Variants in MARCHF1 observed in about 807,000 individuals in gnomAD.
MARCHF1 encodes membrane associated ring-CH-type finger 1.
MARCHF1 carries 40 observed loss-of-function variants against 54.2 expected under a neutral mutation model. That is an observed-to-expected ratio of 0.74 (90% CI 0.57 to 0.96). The LOEUF is 0.96. Among genes scored for constraint, MARCHF1 ranks in the 40% least tolerant of loss-of-function variants. The pLI is 0.00. For missense variants in MARCHF1, 586 were observed against 656.5 expected (o/e 0.89, Z 1.17); for synonymous variants, 236 against 236.3 (o/e 1.00, Z 0.01).
At chr4:163,977,042 A>C (rs569122185) in intron 3 of MARCHF1, among the ~76,000 whole-genome samples, 1 of 152,248 alleles carries the variant, frequency 6.6e-6, no homozygotes, top group South Asian at 2.1e-4. Context: ...ATTTCATAGA[A>C]AAGTTGTGAG....
rs183025915 is a variant in MARCHF1 at position 163,792,616 on chromosome 4, T to C, written c.111+61405A>G. ...TGGTATCATCTTCTGAAGCACATGG[T>C]ATGCAATTAAAGCATTTGAATAACT... On this transcript the variant is annotated intron_variant, in intron 4 of 9. Coordinates refer to ENST00000514618, the MANE Select transcript of MARCHF1 (RefSeq NM_001394959.1). Among the ~76,000 whole-genome samples the C allele has an allele frequency of 1.4e-3, 213 of 152,326 alleles. 2 individuals carry two copies. The highest frequency in any genetic ancestry group is 4.7e-3 in the African/African-American group (195 of 41,568).
chr4:164,296,999 T>C (rs1579698525), intron 1 of MARCHF1, among the ~76,000 whole-genome samples: 1 of 152,170 alleles, frequency 6.6e-6, no homozygotes. Context: ...TGTGTGACAA[T>C]GGTCAAGTTG....
chr4:163,535,501 C>G (rs1217877245), intron 9 of MARCHF1, among the ~76,000 whole-genome samples: 1 of 152,014 alleles, frequency 6.6e-6, no homozygotes, highest in East Asian at 1.9e-4. Flanking sequence ...AGTTAACTTG[C>G]TATTTTTATT....
At chr4:164,197,745 C>T in intron 1 of MARCHF1, 2 of 1,610,710 alleles carry the variant, frequency 1.2e-6, no homozygotes, top group Non-Finnish European at 1.7e-6. Context: ...GGCTCTCGTG[C>T]CAGCCGAATT....
intron 3 of MARCHF1, among the ~76,000 whole-genome samples, chr4:163,962,320 CT>C (rs2110814201): frequency 1.3e-5 from 2 of 151,922 alleles, no homozygotes; most frequent in Non-Finnish European, 2.9e-5. Flanking sequence ...TACCCTAGAC[CT>C]TGTGCTAGGT....
At chr4:164,033,624 A>G (rs1579477067) in intron 2 of MARCHF1, among the ~76,000 whole-genome samples, 1 of 152,232 alleles carries the variant, frequency 6.6e-6, no homozygotes, top group Non-Finnish European at 1.5e-5. Flanking sequence ...GTATATGAAC[A>G]GGCACTTCTC....
At chr4:164,274,237 G>A (rs535228016) in intron 1 of MARCHF1, among the ~76,000 whole-genome samples, 15 of 152,154 alleles carry the variant, frequency 9.9e-5, no homozygotes, top group Non-Finnish European at 4.4e-5. Context: ...ATAGAAAATC[G>A]TATTTTATAC....
intron 1 of MARCHF1, among the ~76,000 whole-genome samples, chr4:164,281,715 G>T (rs1169833614): frequency 2.0e-5 from 3 of 152,092 alleles, no homozygotes; most frequent in Non-Finnish European, 4.4e-5. Context: ...TAAATTCAAA[G>T]CTTTATCATC....
At chr4:164,227,699 G>C (rs181107537) in intron 1 of MARCHF1, among the ~76,000 whole-genome samples, 3 of 152,120 alleles carry the variant, frequency 2.0e-5, no homozygotes, top group African/African-American at 7.2e-5. Flanking sequence ...TGTGCTTCTT[G>C]TACCTACTCA....
chr4:163,671,890 A>C (rs75837025), intron 5 of MARCHF1, among the ~76,000 whole-genome samples: 2,030 of 152,188 alleles, frequency 0.013, 38 homozygotes, highest in African/African-American at 0.047. Flanking sequence ...TTATCTCAAC[A>C]GTCTTTTAAA....
chr4:163,598,187 G>C (rs756030788), intron 7 of MARCHF1, among the ~76,000 whole-genome samples: 2 of 152,112 alleles, frequency 1.3e-5, no homozygotes, highest in South Asian at 4.2e-4. Context: ...CCATTGAAAG[G>C]GGGTGTCTTC....
At chr4:163,996,200 ATGT>A (rs1486293052) in intron 2 of MARCHF1, among the ~76,000 whole-genome samples, 3 of 151,916 alleles carry the variant, frequency 2.0e-5, no homozygotes, top group African/African-American at 7.2e-5. Flanking sequence ...AACATTAGTA[ATGT>A]TATTATTTTT....
At position 163,898,374 on chromosome 4, in the gene MARCHF1, A is replaced by G. The variant is rs559209996; in HGVS notation, c.-38-44205T>C. 1.1e-4 allele frequency among the ~76,000 whole-genome samples: 17 copies of G among 152,332 alleles called. No homozygotes were observed. The South Asian group carries it at 3.5e-3, about 32-fold the overall frequency. On this transcript the variant is annotated intron_variant, in intron 3 of 9. Transcript: ENST00000514618. ...ACCACCACTAAAAACTGGGCAAATG[A>G]CATGAACAGACATTTCTCAATAGAA...
chr4:164,158,346 GGA>G (rs1435925034), intron 1 of MARCHF1, among the ~76,000 whole-genome samples: 1 of 152,070 alleles, frequency 6.6e-6, no homozygotes, highest in Non-Finnish European at 1.5e-5. Flanking sequence ...ATGTGAATAT[GGA>G]GAGTGATAAA....
chr4:163,645,764 A>C lies in MARCHF1; in HGVS notation c.163-32371T>G, dbSNP rs1742733435. ...AGAAAGAATTAAAAAGCTTGAAGAC[A>C]GATCATTTGAAATTTGCCAATTCAA... On this transcript the variant is annotated intron_variant, in intron 5 of 9. Coordinates refer to ENST00000514618, the MANE Select transcript of MARCHF1 (RefSeq NM_001394959.1). Among the ~76,000 whole-genome samples, 3 of 152,280 alleles carry C rather than the reference A, an allele frequency of 2.0e-5. No homozygotes were observed. In the South Asian group the frequency reaches 6.2e-4, roughly 32 times the overall value.
chr4:163,710,921 A>C lies in MARCHF1; in HGVS notation c.112-10058T>G, dbSNP rs2111255677. ...TCAGGTTGGCATAAGCTTTTAGTGTAACACTTGTTGAACCTTTATAAAGGA... is the reference window on the plus strand; with the variant it reads ...TCAGGTTGGCATAAGCTTTTAGTGTCACACTTGTTGAACCTTTATAAAGGA... On this transcript the variant is annotated intron_variant, in intron 4 of 9. Coordinates refer to ENST00000514618, the MANE Select transcript of MARCHF1 (RefSeq NM_001394959.1). Among the ~76,000 whole-genome samples, 2 of 152,210 alleles carry C rather than the reference A, an allele frequency of 1.3e-5. 1 individual carries two copies. Among genetic ancestry groups the C allele is most frequent in the South Asian group, 4.1e-4 (2 of 4,820 alleles).
At chr4:163,845,747 C>T (rs182451543) in intron 4 of MARCHF1, among the ~76,000 whole-genome samples, 49 of 152,170 alleles carry the variant, frequency 3.2e-4, no homozygotes, top group Admixed American at 1.2e-3. Flanking sequence ...GTAGAGGAAA[C>T]GATTTATTCA....
At chr4:163,713,927 A>G (rs1011704577) in intron 4 of MARCHF1, among the ~76,000 whole-genome samples, 1 of 152,206 alleles carries the variant, frequency 6.6e-6, no homozygotes, top group Non-Finnish European at 1.5e-5. Flanking sequence ...GTGGGAAGAA[A>G]TGAAGACATG....
At chr4:164,012,797 A>C (rs1316408073) in intron 2 of MARCHF1, among the ~76,000 whole-genome samples, 2 of 152,124 alleles carry the variant, frequency 1.3e-5, no homozygotes, top group African/African-American at 4.8e-5. Flanking sequence ...TGTCTATAGG[A>C]GGCGACAGGA....
Sources: allele counts gnomAD v4.1 joint callset (sites outside exome capture counted in the v4.1 genomes callset), GRCh38; gene constraint gnomAD v4.1.1; transcripts MANE v1.5; gene names NCBI Gene and HGNC (gene_info 2026-07-23, HGNC 2026-07-21).